The following COP1 variants were observed in gnomAD, a reference collection of about 807,000 sequenced individuals.
COP1 encodes the protein E3 ubiquitin-protein ligase COP1.
Under a neutral mutation model 101.3 loss-of-function variants are expected in COP1, and 24 were observed. The observed-to-expected ratio is 0.24, with a 90% CI of 0.17 to 0.33. COP1 has a LOEUF of 0.33. Ranked by LOEUF, COP1 falls within the 10% of genes least tolerant of loss-of-function variation. COP1 has a pLI of 1.00. For missense variants in COP1, 663 were observed against 906.2 expected (o/e 0.73, Z 3.45); for synonymous variants, 347 against 341.9 (o/e 1.01, Z -0.17).
At chr1:175,999,330 A>T (rs1046226206) in intron 15 of COP1, among the ~76,000 whole-genome samples, 6 of 152,050 alleles carry the variant, frequency 3.9e-5, no homozygotes, top group South Asian at 2.1e-4. Context: ...TCATTTTTAG[A>T]TCCCACAAAT....
At chr1:176,196,114 A>C (rs1558299322) in intron 1 of COP1, among the ~76,000 whole-genome samples, 2 of 152,338 alleles carry the variant, frequency 1.3e-5, no homozygotes, top group South Asian at 2.1e-4. Flanking sequence ...GATACAGCTA[A>C]AGTAGGGATT....
chr1:176,103,449 G>A (rs2502836), intron 9 of COP1, among the ~76,000 whole-genome samples: 1 of 152,052 alleles, frequency 6.6e-6, no homozygotes, highest in African/African-American at 2.4e-5. Context: ...GGTCTAGGAT[G>A]ATCAGGAGAG....
At chr1:176,007,696 C>T (rs1254248406) in intron 15 of COP1, among the ~76,000 whole-genome samples, 1 of 152,130 alleles carries the variant, frequency 6.6e-6, no homozygotes, top group Non-Finnish European at 1.5e-5. Context: ...AGGCAGTCTG[C>T]CTGTTCTCAG....
At chr1:175,962,913 G>A (rs370168070) in intron 18 of COP1, among the ~76,000 whole-genome samples, 3 of 152,100 alleles carry the variant, frequency 2.0e-5, no homozygotes, top group Non-Finnish European at 2.9e-5. Flanking sequence ...GATTATATCC[G>A]CAAACATAGT....
At chr1:176,005,484 C>T (rs1662914146) in intron 15 of COP1, among the ~76,000 whole-genome samples, 1 of 152,072 alleles carries the variant, frequency 6.6e-6, no homozygotes, top group Non-Finnish European at 1.5e-5. Flanking sequence ...CTCTTGTGGG[C>T]ATTTAGTGCT....
chr1:176,085,850 C>A lies in COP1; in HGVS notation c.1067G>T (p.Arg356Ile). Residue 356 changes from arginine to isoleucine, a missense_variant, in exon 10 of 20, where the codon AGA (arginine) becomes ATA (isoleucine). By Grantham distance (97) the Arg-to-Ile change is moderately conservative. Transcript: ENST00000367669. Reference protein sequence around the residue: ...QPWYNSTLASRRKRLTAHFED... With the variant: ...QPWYNSTLASIRKRLTAHFED... ...AAAATGAGCAGTAAGTCGTTTTCGT[C>A]TTGATGCTAACGTGCTATTATACCA... 6.2e-7 allele frequency: 1 copy of A among 1,608,804 alleles called. No individual in the cohort carries two copies. The highest frequency in any genetic ancestry group is 8.5e-7 in the Non-Finnish European group (1 of 1,176,268).
intron 1 of COP1, among the ~76,000 whole-genome samples, chr1:176,196,898 AAAAGAAAGAAGAAAGAG>A (rs1221723852): frequency 6.6e-6 from 1 of 151,942 alleles, no homozygotes; most frequent in East Asian, 1.9e-4. Context: ...AAAAAAGAGA[AAAAGAAAGAAGAAAGAG>A]AAAGAAAGAA....
intron 4 of COP1, among the ~76,000 whole-genome samples, 162 bp from the exon 5 acceptor site, chr1:176,163,150 G>A (rs1271330831): frequency 6.6e-6 from 1 of 152,052 alleles, no homozygotes; most frequent in Non-Finnish European, 1.5e-5. Context: ...GCTCCCTACT[G>A]TCTTACAGTT....
chr1:176,091,432 T>TA (rs1239781416), intron 9 of COP1, among the ~76,000 whole-genome samples: 1 of 148,906 alleles, frequency 6.7e-6, no homozygotes, highest in African/African-American at 2.5e-5. Flanking sequence ...AGACACAAAA[T>TA]AAAAAAAGAG....
chr1:176,036,596 CT>C (rs1669597666), intron 14 of COP1, among the ~76,000 whole-genome samples: 1 of 150,462 alleles, frequency 6.6e-6, no homozygotes, highest in African/African-American at 2.5e-5. Context: ...AATAGCTCAA[CT>C]TATGATTTTT....
At chr1:176,015,051 T>C (rs916081095) in intron 15 of COP1, among the ~76,000 whole-genome samples, 3 of 152,242 alleles carry the variant, frequency 2.0e-5, no homozygotes, top group East Asian at 1.9e-4. Flanking sequence ...GGGTTTTCAA[T>C]AGGCTTCTTT....
At chr1:176,035,710 C>CAAAAAAAAAAAAAAA (rs71129541) in intron 14 of COP1, among the ~76,000 whole-genome samples, 1 of 73,100 alleles carries the variant, frequency 1.4e-5, no homozygotes, top group Admixed American at 1.5e-4. Flanking sequence ...AAAACGAGAC[C>CAAAAAAAAAAAAAAA]AAAAAAAAAA....
At chr1:176,110,646 C>G (rs1685120023) in intron 9 of COP1, among the ~76,000 whole-genome samples, 1 of 151,622 alleles carries the variant, frequency 6.6e-6, no homozygotes, top group Admixed American at 6.6e-5. Context: ...ATGTTTAAAA[C>G]AAAAAACAAA....
intron 18 of COP1, among the ~76,000 whole-genome samples, chr1:175,975,259 C>T (rs572420984): frequency 6.6e-6 from 1 of 152,152 alleles, no homozygotes; most frequent in African/African-American, 2.4e-5. Context: ...CTAATATTAT[C>T]CCCCACCCCA....
chr1:175,953,075 G>A (rs959255102), intron 18 of COP1, among the ~76,000 whole-genome samples: 6 of 152,014 alleles, frequency 3.9e-5, no homozygotes, highest in African/African-American at 1.2e-4. Context: ...ACAAACACAA[G>A]TAAATATACA....
intron 3 of COP1, among the ~76,000 whole-genome samples, chr1:176,166,411 C>T (rs957819386): frequency 3.3e-5 from 5 of 152,142 alleles, no homozygotes; most frequent in African/African-American, 4.8e-5. Flanking sequence ...AGGCATGAGA[C>T]ACCATGCCCA....
intron 6 of COP1, among the ~76,000 whole-genome samples, chr1:176,148,794 A>C (rs1251570942): frequency 1.3e-5 from 2 of 152,154 alleles, no homozygotes; most frequent in Non-Finnish European, 2.9e-5. Flanking sequence ...TCTTACTGAT[A>C]ACTTTTCAGC....
At chr1:175,963,513 G>A (rs893425526) in intron 18 of COP1, among the ~76,000 whole-genome samples, 1 of 151,976 alleles carries the variant, frequency 6.6e-6, no homozygotes, top group African/African-American at 2.4e-5. Flanking sequence ...TGTAATCTTG[G>A]GCAAATCTGA....
chr1:175,985,784 G>A (rs1338666296), intron 18 of COP1, among the ~76,000 whole-genome samples: 2 of 152,196 alleles, frequency 1.3e-5, no homozygotes, highest in East Asian at 3.9e-4. Context: ...CTTGGAGGAA[G>A]GGTTGGTCCA....
Sources: allele counts gnomAD v4.1 joint callset (sites outside exome capture counted in the v4.1 genomes callset), GRCh38; gene constraint gnomAD v4.1.1; transcripts MANE v1.5; gene names NCBI Gene and HGNC (gene_info 2026-07-23, HGNC 2026-07-21).